The following AUTS2 variants were observed in gnomAD, a reference collection of about 807,000 sequenced individuals.
AUTS2 encodes activator of transcription and developmental regulator AUTS2, also known as autism susceptibility gene 2 protein.
Under a neutral mutation model 112.4 loss-of-function variants are expected in AUTS2, and 17 were observed. That is an observed-to-expected ratio of 0.15 (90% CI 0.10 to 0.23). AUTS2 has a LOEUF of 0.23. Ranked by LOEUF, AUTS2 falls within the 10% of genes least tolerant of loss-of-function variation. The pLI, the probability that AUTS2 is intolerant of heterozygous loss-of-function variation, is 1.00. For synonymous variants in AUTS2, 751 were observed against 702.7 expected, an observed-to-expected ratio of 1.07 and a Z score of -1.09; for missense variants, 1,510 against 1,701.6, an observed-to-expected ratio of 0.89 and a Z score of 1.98.
chr7:69,866,157 T>G (rs1273970758), intron 1 of AUTS2, among the ~76,000 whole-genome samples: 4 of 152,222 alleles, frequency 2.6e-5, no homozygotes, highest in Non-Finnish European at 5.9e-5. Context: ...CAAGCCTGCC[T>G]AGTCCTCTGC....
At chr7:70,595,954 CGCGCGCTCTGCCTGCGCGCTTTGCCT>C (rs1284470523) in intron 5 of AUTS2, 1 of 152,214 alleles carries the variant, frequency 6.6e-6, no homozygotes, top group African/African-American at 2.4e-5. Context: ...TCAGAAGCTG[CGCGCGCTCTGCCTGCGCGCTTTGCCT>C]GCGCGCTTTG....
In AUTS2 at chr7:70,270,179, GTTA is replaced by G. The variant is rs748354940; in HGVS notation, c.660+135613_660+135615del. ...GAAATAAATTCTTTAAGGTAGGCCA[GTTA>G]TTATGAATATAACATGATTATCTAT... On this transcript the variant is annotated intron_variant, in intron 4 of 18. Transcript: ENST00000342771. Among the ~76,000 whole-genome samples the G allele has an allele frequency of 3.9e-5, 6 of 152,256 alleles. No homozygotes were observed. The East Asian group carries it at 1.2e-3, about 29-fold the overall frequency.
intron 1 of AUTS2, among the ~76,000 whole-genome samples, chr7:69,887,239 C>T (rs1006323274): frequency 2.0e-5 from 3 of 151,804 alleles, no homozygotes; most frequent in African/African-American, 7.3e-5. Context: ...CATGGTGAAA[C>T]CCCGTCTCTA....
chr7:70,542,340 C>T (rs1800583928), intron 5 of AUTS2, among the ~76,000 whole-genome samples: 1 of 152,198 alleles, frequency 6.6e-6, no homozygotes, highest in East Asian at 1.9e-4. Context: ...CAGAGTTGCA[C>T]CTAGACCCCA....
At chr7:69,818,518 CTATT>C (rs1696971877) in intron 1 of AUTS2, among the ~76,000 whole-genome samples, 2 of 152,132 alleles carry the variant, frequency 1.3e-5, no homozygotes, top group African/African-American at 4.8e-5. Flanking sequence ...CTTTATATCA[CTATT>C]AATATTGAGG....
intron 5 of AUTS2, among the ~76,000 whole-genome samples, chr7:70,552,369 G>A (rs181851280): frequency 3.0e-4 from 46 of 152,158 alleles, no homozygotes; most frequent in African/African-American, 1.0e-3. Context: ...TCCTGTTAGC[G>A]GATTATACCA....
chr7:70,240,578 T>A (rs767225880), intron 4 of AUTS2, among the ~76,000 whole-genome samples: 2 of 152,176 alleles, frequency 1.3e-5, no homozygotes, highest in Non-Finnish European at 2.9e-5. Flanking sequence ...TTTATGTTGG[T>A]TTTGGCCCTT....
chr7:69,602,713 G>C (rs1209286877), intron 1 of AUTS2, among the ~76,000 whole-genome samples: 1 of 152,156 alleles, frequency 6.6e-6, no homozygotes, highest in East Asian at 1.9e-4. Context: ...TATCCTGTCA[G>C]TGTTTACATT....
chr7:69,993,821 T>C (rs1798837712), intron 2 of AUTS2, among the ~76,000 whole-genome samples: 1 of 152,182 alleles, frequency 6.6e-6, no homozygotes, highest in African/African-American at 2.4e-5. Flanking sequence ...TATTTCTTTC[T>C]ACAGATAGGG....
chr7:70,625,768 T>C (rs1220266762), intron 5 of AUTS2, among the ~76,000 whole-genome samples: 1 of 152,196 alleles, frequency 6.6e-6, no homozygotes, highest in African/African-American at 2.4e-5. Flanking sequence ...TGGCTATAGA[T>C]AGGTGAGTAA....
intron 1 of AUTS2, among the ~76,000 whole-genome samples, chr7:69,710,890 C>T (rs1339982025): frequency 6.6e-6 from 1 of 152,162 alleles, no homozygotes; most frequent in East Asian, 1.9e-4. Context: ...ATCTCAGAGA[C>T]AGATTTGTCT....
chr7:70,726,538 G>C (rs1396794844), intron 6 of AUTS2, among the ~76,000 whole-genome samples: 2 of 152,054 alleles, frequency 1.3e-5, no homozygotes, highest in African/African-American at 4.8e-5. Flanking sequence ...AACAGTAGGA[G>C]GAAAATAAAC....
At chr7:70,377,841 G>A (rs1793184808) in intron 4 of AUTS2, among the ~76,000 whole-genome samples, 1 of 150,902 alleles carries the variant, frequency 6.6e-6, no homozygotes, top group South Asian at 2.1e-4. Flanking sequence ...CGCAATCTCG[G>A]CTCACTGCAA....
intron 2 of AUTS2, among the ~76,000 whole-genome samples, chr7:69,997,125 A>AT (rs1798983159): frequency 6.6e-6 from 1 of 152,164 alleles, no homozygotes. Context: ...AACTATAACT[A>AT]TTAAGTGAGC....
At chr7:70,122,978 C>T (rs893164636) in intron 3 of AUTS2, among the ~76,000 whole-genome samples, 11 of 150,610 alleles carry the variant, frequency 7.3e-5, no homozygotes, top group East Asian at 2.0e-4. Context: ...TGGGTTCAAG[C>T]GATTCTCCTG....
intron 1 of AUTS2, among the ~76,000 whole-genome samples, chr7:69,860,422 A>T (rs1405716238): frequency 2.0e-5 from 3 of 152,114 alleles, no homozygotes; most frequent in African/African-American, 7.2e-5. Context: ...GGATAACTTG[A>T]TATATTCTTA....
At chr7:70,630,341 C>G (rs1805193302) in intron 5 of AUTS2, among the ~76,000 whole-genome samples, 1 of 152,178 alleles carries the variant, frequency 6.6e-6, no homozygotes, top group Non-Finnish European at 1.5e-5. Flanking sequence ...AATCTCTGCT[C>G]CAAATGTACA....
intron 2 of AUTS2, among the ~76,000 whole-genome samples, chr7:69,976,433 A>G (rs561121555): frequency 1.3e-5 from 2 of 152,268 alleles, no homozygotes; most frequent in Non-Finnish European, 2.9e-5. Flanking sequence ...CCTCTTGGCT[A>G]TTGTGAATAG....
chr7:69,754,736 T>C (rs1787879776), intron 1 of AUTS2, among the ~76,000 whole-genome samples: 1 of 152,166 alleles, frequency 6.6e-6, no homozygotes, highest in African/African-American at 2.4e-5. Context: ...GTAATCTGCA[T>C]ATCTTAGCTC....
Sources: gnomAD v4.1 joint callset for allele counts (sites outside exome capture counted in the v4.1 genomes callset) on GRCh38, gnomAD v4.1.1 for gene constraint, MANE v1.5 for transcripts, NCBI Gene and HGNC (gene_info 2026-07-23, HGNC 2026-07-21) for gene names.